KIAA0586: variants seen among roughly 807,000 people sequenced by gnomAD.
KIAA0586 encodes the protein protein TALPID3.
KIAA0586 carries 144 observed loss-of-function variants against 169.8 expected under a neutral mutation model. That is an observed-to-expected ratio of 0.85 (90% CI 0.74 to 0.97). The LOEUF is 0.97. Among genes scored for constraint, KIAA0586 ranks in the 50% least tolerant of loss-of-function variants. The pLI, the probability that KIAA0586 is intolerant of heterozygous loss-of-function variation, is 0.00. For missense variants in KIAA0586, 1,854 were observed against 1,823.0 expected (o/e 1.02, Z -0.31); for synonymous variants, 625 against 612.4 (o/e 1.02, Z -0.30).
the KIAA0586 span, among the ~76,000 whole-genome samples, chr14:58,560,126 G>A: frequency 6.6e-6 from 1 of 150,408 alleles, no homozygotes; most frequent in Non-Finnish European, 1.5e-5. Context: ...ACTCTAGCCT[G>A]GGCAACACAG....
At chr14:58,506,452 G>A (rs566193554) in intron 27 of KIAA0586, among the ~76,000 whole-genome samples, 14 of 152,060 alleles carry the variant, frequency 9.2e-5, no homozygotes, top group Admixed American at 1.3e-4. Flanking sequence ...AACGAGGTGA[G>A]CGGATCACTT....
intron 4 of KIAA0586, 130 bp downstream of exon 4, chr14:58,432,587 A>G (rs990882840): frequency 1.1e-4 from 60 of 553,442 alleles, no homozygotes; most frequent in Admixed American, 5.4e-4. Flanking sequence ...AGCATTTCTC[A>G]TGGTGCTAGA....
chr14:58,533,888 A>T (rs2046132506), intron 29 of KIAA0586, among the ~76,000 whole-genome samples: 1 of 152,154 alleles, frequency 6.6e-6, no homozygotes, highest in Non-Finnish European at 1.5e-5. Context: ...AGGATGTGGA[A>T]TGGTGGTGTT....
intron 22 of KIAA0586, among the ~76,000 whole-genome samples, chr14:58,487,377 G>C (rs1327546423): frequency 6.6e-6 from 1 of 152,144 alleles, no homozygotes; most frequent in African/African-American, 2.4e-5. Flanking sequence ...GGGAGGCTGA[G>C]GCGGGTGAAT....
chr14:58,527,560 TTAAA>T (rs987630532), intron 29 of KIAA0586, among the ~76,000 whole-genome samples: 15 of 152,260 alleles, frequency 9.9e-5, no homozygotes, highest in African/African-American at 3.4e-4. Context: ...TTCAGCAGTC[TTAAA>T]TAAAAGAATT....
chr14:58,444,628 T>G lies in KIAA0586; in HGVS notation c.807+453T>G, dbSNP rs537745438. Among the ~76,000 whole-genome samples, 4 of 152,202 alleles carry G rather than the reference T, an allele frequency of 2.6e-5. No homozygotes were observed. The East Asian group carries it at 7.7e-4, about 29-fold the overall frequency. On this transcript the variant is annotated intron_variant, in intron 6 of 30. Transcript: ENST00000652326. ...TAGTAGAGGTGGGGTTTCACCATGTTGGTCAGGCTGGTCTCTAACTCCTGA... is the reference window on the plus strand; with the variant it reads ...TAGTAGAGGTGGGGTTTCACCATGTGGGTCAGGCTGGTCTCTAACTCCTGA...
intron 2 of KIAA0586, among the ~76,000 whole-genome samples, chr14:58,430,124 C>T (rs2037237580): frequency 6.6e-6 from 1 of 151,258 alleles, no homozygotes; most frequent in South Asian, 2.1e-4. Context: ...GTACTTGATC[C>T]CTAAGTAAAT....
intron 26 of KIAA0586, among the ~76,000 whole-genome samples, chr14:58,494,203 GTCTT>G (rs2043008771): frequency 7.1e-6 from 1 of 141,178 alleles, no homozygotes; most frequent in South Asian, 2.2e-4. Flanking sequence ...TAAATTTTCT[GTCTT>G]TCTTTTCTTC....
intron 27 of KIAA0586, among the ~76,000 whole-genome samples, chr14:58,507,288 A>G (rs2044047685): frequency 6.8e-6 from 1 of 146,710 alleles, no homozygotes; most frequent in Non-Finnish European, 1.5e-5. Context: ...ATTTATATAT[A>G]TATCATGTGT....
In KIAA0586 at chr14:58,443,937, T is replaced by C. The variant is rs2038631566; in HGVS notation, c.586-17T>C. 6.7e-7 allele frequency: 1 copy of C among 1,484,626 alleles called. No homozygotes were observed. The allele number at this position is 1,484,626 out of a possible 1,614,324, so 92.0% of individuals were successfully genotyped here. ...ATCCTATAATGTGAATTTTTAAAAA[T>C]GTTTTTATTGTTTTAGGTGCAGAGT... On this transcript the variant is annotated splice_polypyrimidine_tract_variant and intron_variant, in intron 5 of 30. Transcript: ENST00000652326.
intron 3 of KIAA0586, 59 bp downstream of exon 3, chr14:58,430,776 A>G: frequency 1.1e-6 from 1 of 943,950 alleles, no homozygotes; most frequent in Non-Finnish European, 1.7e-6. Context: ...CATAAAGTTT[A>G]CTACTTTAAA....
At chr14:58,512,656 A>G in intron 29 of KIAA0586, 29 bp downstream of exon 29, 2 of 1,115,486 alleles carry the variant, frequency 1.8e-6, no homozygotes, top group African/African-American at 1.7e-5. Flanking sequence ...TAATAATACA[A>G]TAGTTTGATA....
At chr14:58,514,126 A>G (rs2044588753) in intron 29 of KIAA0586, among the ~76,000 whole-genome samples, 1 of 152,128 alleles carries the variant, frequency 6.6e-6, no homozygotes, top group Non-Finnish European at 1.5e-5. Flanking sequence ...ATATCTTTAT[A>G]CTAGAAAATT....
chr14:58,533,358 A>G (rs1033347447), intron 29 of KIAA0586, among the ~76,000 whole-genome samples: 17 of 152,238 alleles, frequency 1.1e-4, no homozygotes, highest in African/African-American at 3.9e-4. Flanking sequence ...ATCTTTGGCA[A>G]AAAGACCTGT....
intron 4 of KIAA0586, among the ~76,000 whole-genome samples, chr14:58,434,885 C>T (rs1427719391): frequency 1.3e-5 from 2 of 151,976 alleles, no homozygotes; most frequent in African/African-American, 4.8e-5. Flanking sequence ...ATCCTACAAC[C>T]TGAGGTCCCC....
At position 58,474,810 on chromosome 14, in the gene KIAA0586, T is replaced by A. The variant is rs774800123; in HGVS notation, c.2825+13T>A. 3 of 1,558,136 alleles carry A rather than the reference T, an allele frequency of 1.9e-6. No individual in the cohort carries two copies. In the South Asian group the frequency reaches 3.5e-5, roughly 18 times the overall value. ...GCTTAATTCAATGGTAAGTTTATAATGTTTTTGGTATGAATAGAACCATAG... is the reference window on the plus strand; with the variant it reads ...GCTTAATTCAATGGTAAGTTTATAAAGTTTTTGGTATGAATAGAACCATAG... On this transcript the variant is annotated intron_variant, in intron 19 of 30. Transcript: ENST00000652326.
upstream of KIAA0586, chr14:58,427,434 C>CAACA (rs985297168): frequency 1.5e-6 from 1 of 667,858 alleles, no homozygotes; most frequent in Admixed American, 2.8e-5. Flanking sequence ...GAAGCAGTGT[C>CAACA]AACAGTCCCT....
intron 29 of KIAA0586, chr14:58,536,894 T>C (rs75074358): frequency 2.2e-5 from 7 of 315,954 alleles, no homozygotes; most frequent in Non-Finnish European, 3.4e-5. Flanking sequence ...CTAGTCAGCA[T>C]TGCTCATTCA....
chr14:58,479,198 T>G (rs2041863472), intron 20 of KIAA0586, among the ~76,000 whole-genome samples: 1 of 152,224 alleles, frequency 6.6e-6, no homozygotes, highest in Non-Finnish European at 1.5e-5. Flanking sequence ...GTTGTCAGTG[T>G]TTATAATTCT....
Sources: gnomAD v4.1 joint callset for allele counts (sites outside exome capture counted in the v4.1 genomes callset) on GRCh38, gnomAD v4.1.1 for gene constraint, MANE v1.5 for transcripts, NCBI Gene and HGNC (gene_info 2026-07-23, HGNC 2026-07-21) for gene names.